Variants in CRADD observed in about 807,000 individuals in gnomAD.
CRADD encodes death domain-containing protein CRADD.
In CRADD, 9 loss-of-function variants were observed where a neutral mutation model predicts 15.5. That is an observed-to-expected ratio of 0.58 (90% confidence interval 0.35 to 1.01). The LOEUF (loss-of-function observed/expected upper bound fraction) is 1.01, where lower values mean the gene tolerates loss of function less well. Among genes scored for constraint, CRADD ranks in the 50% least tolerant of loss-of-function variants. The pLI is 0.02. For missense variants in CRADD, 227 were observed against 250.3 expected, an observed-to-expected ratio of 0.91 and a Z score of 0.63; for synonymous variants, 118 against 107.6, an observed-to-expected ratio of 1.10 and a Z score of -0.60.
At chr12:93,860,525 C>T (rs1368140062) in intron 2 of CRADD, among the ~76,000 whole-genome samples, 1 of 152,114 alleles carries the variant, frequency 6.6e-6, no homozygotes, top group Non-Finnish European at 1.5e-5. Context: ...CAGCAAAGGG[C>T]AGGAAGAGCC....
downstream of CRADD, among the ~76,000 whole-genome samples, chr12:93,855,743 C>T (rs1958268031): frequency 6.6e-6 from 1 of 152,246 alleles, no homozygotes; most frequent in Admixed American, 6.5e-5. Flanking sequence ...AAAGGTATAA[C>T]ATGCTTAGAA....
intron 2 of CRADD, among the ~76,000 whole-genome samples, chr12:93,867,707 G>A (rs1006846273): frequency 4.6e-5 from 7 of 152,200 alleles, no homozygotes; most frequent in South Asian, 2.1e-4. Flanking sequence ...GGTAAATTGC[G>A]AATACCCATG....
At chr12:93,889,247 G>T (rs995297192) in intron 2 of CRADD, among the ~76,000 whole-genome samples, 1 of 152,090 alleles carries the variant, frequency 6.6e-6, no homozygotes, top group Admixed American at 6.5e-5. Context: ...ATGCCTTTTA[G>T]TCTCCCTATG....
intron 2 of CRADD, among the ~76,000 whole-genome samples, chr12:93,722,014 G>C (rs181758740): frequency 6.6e-6 from 1 of 152,050 alleles, no homozygotes. Context: ...AACATTTCTT[G>C]TAAGGCAGGT....
At chr12:93,863,459 C>T (rs535441018) in intron 2 of CRADD, among the ~76,000 whole-genome samples, 4 of 152,174 alleles carry the variant, frequency 2.6e-5, no homozygotes, top group South Asian at 2.1e-4. Flanking sequence ...CAAAAATACC[C>T]GAACGTAGCT....
chr12:93,741,835 A>G (rs944363844), intron 2 of CRADD, among the ~76,000 whole-genome samples: 1 of 151,962 alleles, frequency 6.6e-6, no homozygotes, highest in African/African-American at 2.4e-5. Flanking sequence ...AATAAAAGAC[A>G]TTTTCTCCCC....
intron 2 of CRADD, among the ~76,000 whole-genome samples, chr12:93,722,023 G>A (rs1301094686): frequency 6.6e-6 from 1 of 152,086 alleles, no homozygotes; most frequent in African/African-American, 2.4e-5. Context: ...TGTAAGGCAG[G>A]TCTACTGCCA....
At position 93,846,127 on chromosome 12, in the gene CRADD, T is replaced by C. The variant is rs1192246639; in HGVS notation, c.299-3843T>C. Among the ~76,000 whole-genome samples, 3 of 152,232 alleles carry C rather than the reference T, an allele frequency of 2.0e-5. No homozygotes were observed. In the South Asian group the frequency reaches 6.2e-4, roughly 31 times the overall value. Reference sequence around the variant, plus strand: ...CATGTGTCAGAATTTCCATCCTTTTTAAGGCTGAATAATATTCTATTGTAT... The same window carrying C: ...CATGTGTCAGAATTTCCATCCTTTTCAAGGCTGAATAATATTCTATTGTAT... On this transcript the variant is annotated intron_variant, in intron 2 of 2. Coordinates refer to ENST00000332896, the MANE Select transcript of CRADD (RefSeq NM_003805.5).
At chr12:93,838,214 G>GTTTTTTTTTTTTTTTTTTTTTTTTTT (rs66564800) in intron 2 of CRADD, among the ~76,000 whole-genome samples, 2 of 130,604 alleles carry the variant, frequency 1.5e-5, no homozygotes, top group African/African-American at 2.9e-5. Flanking sequence ...TCCTTTTGAG[G>GTTTTTTTTTTTTTTTTTTTTTTTTTT]TTTTTTTTTT....
At chr12:93,785,600 T>C (rs1248838529) in intron 2 of CRADD, among the ~76,000 whole-genome samples, 1 of 152,200 alleles carries the variant, frequency 6.6e-6, no homozygotes, top group Non-Finnish European at 1.5e-5. Context: ...GAGTGATTTA[T>C]TTATAGGGGA....
intron 2 of CRADD, among the ~76,000 whole-genome samples, chr12:93,778,918 C>A (rs1304397854): frequency 6.6e-6 from 1 of 152,130 alleles, no homozygotes; most frequent in Non-Finnish European, 1.5e-5. Flanking sequence ...AAGATTTTAT[C>A]CTTTGCCAGC....
chr12:93,776,743 T>C (rs956683576), intron 2 of CRADD, among the ~76,000 whole-genome samples: 5 of 152,188 alleles, frequency 3.3e-5, no homozygotes, highest in African/African-American at 1.2e-4. Context: ...AAGACTACAG[T>C]GTGGATAACC....
intron 2 of CRADD, among the ~76,000 whole-genome samples, chr12:93,751,591 G>A (rs949048602): frequency 3.3e-5 from 5 of 152,268 alleles, no homozygotes; most frequent in African/African-American, 9.6e-5. Context: ...TGGGCCAGGC[G>A]TGGTGGCTCA....
At chr12:93,764,970 C>T (rs182847856) in intron 2 of CRADD, among the ~76,000 whole-genome samples, 136 of 151,530 alleles carry the variant, frequency 9.0e-4, no homozygotes, top group Admixed American at 5.6e-3. Context: ...GGAATGAACT[C>T]GAGATAATTA....
In CRADD at chr12:93,779,114, C is replaced by T. The variant is rs188320278; in HGVS notation, c.299-70856C>T. On this transcript the variant is annotated intron_variant, in intron 2 of 2. Transcript: ENST00000332896. ...CTTAGGTTCAGCTAAATATCAAAAT[C>T]GCCACAGCCAAGATGTAGTCATTGA... Among the ~76,000 whole-genome samples the T allele has an allele frequency of 1.4e-4, 21 of 152,256 alleles. No homozygotes were observed. The East Asian group carries it at 1.9e-3, about 14-fold the overall frequency.
intron 2 of CRADD, among the ~76,000 whole-genome samples, chr12:93,847,118 T>G (rs1194926620): frequency 6.6e-6 from 1 of 151,970 alleles, no homozygotes; most frequent in Non-Finnish European, 1.5e-5. Context: ...AAAAGAAGGT[T>G]ATGCCACATA....
At chr12:93,724,050 C>T (rs1443369260) in intron 2 of CRADD, among the ~76,000 whole-genome samples, 5 of 152,150 alleles carry the variant, frequency 3.3e-5, no homozygotes, top group African/African-American at 1.2e-4. Flanking sequence ...TTTTCCTTCT[C>T]CTCCTGCTGG....
At chr12:93,864,425 G>A (rs1459622719) in intron 2 of CRADD, among the ~76,000 whole-genome samples, 1 of 152,158 alleles carries the variant, frequency 6.6e-6, no homozygotes, top group African/African-American at 2.4e-5. Context: ...GTCTGTGCAA[G>A]TACACCACAT....
chr12:93,863,364 C>A (rs1012422662), intron 2 of CRADD, among the ~76,000 whole-genome samples: 2 of 152,142 alleles, frequency 1.3e-5, no homozygotes, highest in African/African-American at 4.8e-5. Context: ...CTTCTCATTT[C>A]GGTTCTCATT....
Sources: allele counts gnomAD v4.1 joint callset (sites outside exome capture counted in the v4.1 genomes callset), GRCh38; gene constraint gnomAD v4.1.1; transcripts MANE v1.5; gene names NCBI Gene and HGNC (gene_info 2026-07-23, HGNC 2026-07-21).